The following SCHIP1 variants were observed in gnomAD, a reference collection of about 807,000 sequenced individuals.
SCHIP1 encodes the protein schwannomin-interacting protein 1.
Under a neutral mutation model 29.7 loss-of-function variants are expected in SCHIP1, and 8 were observed. The observed-to-expected ratio is 0.27, with a 90% CI of 0.16 to 0.49. SCHIP1 has a LOEUF of 0.49. Ranked by LOEUF, SCHIP1 falls within the 20% of genes least tolerant of loss-of-function variation. The pLI, the probability that SCHIP1 is intolerant of heterozygous loss-of-function variation, is 0.99. For synonymous variants in SCHIP1, 76 were observed against 94.9 expected, an observed-to-expected ratio of 0.80 and a Z score of 1.16; for missense variants, 193 against 294.6, an observed-to-expected ratio of 0.66 and a Z score of 2.52.
the SCHIP1 span, among the ~76,000 whole-genome samples, chr3:159,806,143 T>A: frequency 2.6e-5 from 4 of 152,162 alleles, no homozygotes; most frequent in South Asian, 8.3e-4. Flanking sequence ...AAGCAATCAA[T>A]TGTGTTTTGA....
chr3:159,333,159 A>G, the SCHIP1 span, among the ~76,000 whole-genome samples: 1 of 152,256 alleles, frequency 6.6e-6, no homozygotes. Context: ...GTGTTGCATA[A>G]CATAAAAGAA....
the SCHIP1 span, among the ~76,000 whole-genome samples, chr3:159,452,034 T>C: frequency 1.3e-5 from 2 of 152,132 alleles, no homozygotes; most frequent in Non-Finnish European, 2.9e-5. Flanking sequence ...GTGAATCATA[T>C]GGGCCAAGTG....
At chr3:159,633,436 C>T in the SCHIP1 span, among the ~76,000 whole-genome samples, 2,210 of 152,152 alleles carry the variant, frequency 0.015, 22 homozygotes, top group Non-Finnish European at 0.023. Context: ...GAGAAAGGGC[C>T]CCACCCACAG....
At chr3:159,713,153 CAA>C in the SCHIP1 span, among the ~76,000 whole-genome samples, 7 of 46,826 alleles carry the variant, frequency 1.5e-4, no homozygotes, top group Admixed American at 2.4e-4. Flanking sequence ...GAAACTCCAT[CAA>C]AAAAAAAAAA....
the SCHIP1 span, among the ~76,000 whole-genome samples, chr3:159,484,384 C>T: frequency 2.6e-5 from 4 of 152,082 alleles, no homozygotes; most frequent in Admixed American, 6.6e-5. Context: ...TCAGGCAATC[C>T]GTGTAGTTGG....
At chr3:159,838,616 C>T (rs1031759187), upstream of SCHIP1, among the ~76,000 whole-genome samples, 31 of 152,198 alleles carry the variant, frequency 2.0e-4, no homozygotes, top group Non-Finnish European at 4.1e-4. Context: ...ATGGGCCAGG[C>T]GCGGTGGCTC....
At chr3:159,649,864 TC>T in the SCHIP1 span, among the ~76,000 whole-genome samples, 83 of 152,256 alleles carry the variant, frequency 5.5e-4, no homozygotes, top group African/African-American at 1.8e-3. Context: ...TGGAGGGGGA[TC>T]CAAATATCCT....
At chr3:159,507,861 C>T in the SCHIP1 span, among the ~76,000 whole-genome samples, 4 of 152,120 alleles carry the variant, frequency 2.6e-5, no homozygotes, top group African/African-American at 7.2e-5. Flanking sequence ...CTGCTGGATT[C>T]GGTTTGCCAG....
At chr3:159,508,637 A>G in the SCHIP1 span, among the ~76,000 whole-genome samples, 2 of 152,112 alleles carry the variant, frequency 1.3e-5, no homozygotes, top group African/African-American at 2.4e-5. Flanking sequence ...ACACTGCTCT[A>G]AATATGTTCC....
At chr3:159,582,265 G>A in the SCHIP1 span, among the ~76,000 whole-genome samples, 3 of 151,964 alleles carry the variant, frequency 2.0e-5, no homozygotes, top group South Asian at 2.1e-4. Flanking sequence ...CAGTCTTCCC[G>A]GCTCAAGAAA....
At chr3:159,896,741 G>A (rs767891975) in exon 7 of SCHIP1, 3 of 1,607,392 alleles carry the variant, frequency 1.9e-6, no homozygotes, top group Admixed American at 1.7e-5. Flanking sequence ...AAAGTCAGCA[G>A]AAGCACATGG....
the SCHIP1 span, among the ~76,000 whole-genome samples, chr3:159,831,669 C>G: frequency 6.6e-6 from 1 of 152,042 alleles, no homozygotes; most frequent in Non-Finnish European, 1.5e-5. Context: ...TGATACTGAG[C>G]CAGCTACTTA....
the SCHIP1 span, among the ~76,000 whole-genome samples, chr3:159,670,762 T>C: frequency 2.6e-5 from 4 of 152,112 alleles, no homozygotes; most frequent in Admixed American, 2.6e-4. Flanking sequence ...CTGAGCTTCC[T>C]CTCAAACAAC....
At chr3:159,660,532 G>A in the SCHIP1 span, among the ~76,000 whole-genome samples, 163 of 152,144 alleles carry the variant, frequency 1.1e-3, no homozygotes, top group Admixed American at 0.01. Flanking sequence ...TAATGTGTGT[G>A]GGTATATTTT....
the SCHIP1 span, among the ~76,000 whole-genome samples, chr3:159,724,270 GAT>G: frequency 2.6e-5 from 4 of 152,084 alleles, no homozygotes; most frequent in African/African-American, 9.7e-5. Context: ...ATATGTTACA[GAT>G]TTTAATCCTG....
At chr3:159,431,233 G>T in the SCHIP1 span, among the ~76,000 whole-genome samples, 2 of 152,104 alleles carry the variant, frequency 1.3e-5, no homozygotes, top group African/African-American at 2.4e-5. Context: ...AGGCCTTAAA[G>T]GTCGAGGGAG....
At chr3:159,536,995 G>A in the SCHIP1 span, among the ~76,000 whole-genome samples, 2 of 152,078 alleles carry the variant, frequency 1.3e-5, no homozygotes, top group African/African-American at 2.4e-5. Context: ...GTTTAATAAT[G>A]TCATGTTGGT....
chr3:159,678,056 T>G, the SCHIP1 span, among the ~76,000 whole-genome samples: 1 of 152,256 alleles, frequency 6.6e-6, no homozygotes, highest in South Asian at 2.1e-4. Context: ...ATTCTAGTTA[T>G]TTCACAAACC....
At chr3:159,680,702 A>ATG in the SCHIP1 span, among the ~76,000 whole-genome samples, 14 of 13,866 alleles carry the variant, frequency 1.0e-3, 1 homozygote, top group East Asian at 0.019. Flanking sequence ...TATATAATAT[A>ATG]TATTATATAT....
Sources: allele counts gnomAD v4.1 joint callset (sites outside exome capture counted in the v4.1 genomes callset), GRCh38; gene constraint gnomAD v4.1.1; transcripts MANE v1.5; gene names NCBI Gene and HGNC (gene_info 2026-07-23, HGNC 2026-07-21).